CSMD1: variants seen among roughly 807,000 people sequenced by gnomAD.
CSMD1 encodes CUB and Sushi multiple domains 1.
CSMD1 carries 213 observed loss-of-function variants against 417.5 expected under a neutral mutation model. That is an observed-to-expected ratio of 0.51 (90% CI 0.46 to 0.57). The LOEUF (loss-of-function observed/expected upper bound fraction) is 0.57. Among genes scored for constraint, CSMD1 ranks in the 20% least tolerant of loss-of-function variants. The pLI is 0.00. For missense variants in CSMD1, 6,923 were observed against 4,529.7 expected, an observed-to-expected ratio of 1.53 and a Z score of -15.17; for synonymous variants, 2,862 against 1,736.8, an observed-to-expected ratio of 1.65 and a Z score of -16.11.
intron 1 of CSMD1, among the ~76,000 whole-genome samples, chr8:4,682,822 A>C (rs1281029973): frequency 6.6e-6 from 1 of 151,168 alleles, no homozygotes; most frequent in Non-Finnish European, 1.5e-5. Flanking sequence ...ATTTCACATT[A>C]AACTAAATAC....
chr8:3,840,804 T>C (rs1803087125), intron 5 of CSMD1, among the ~76,000 whole-genome samples: 1 of 151,728 alleles, frequency 6.6e-6, no homozygotes, highest in Non-Finnish European at 1.5e-5. Context: ...CAAGCAATTC[T>C]CCTGTCTCAA....
At chr8:3,809,482 C>G (rs984979914) in intron 5 of CSMD1, among the ~76,000 whole-genome samples, 1 of 152,150 alleles carries the variant, frequency 6.6e-6, no homozygotes, top group Admixed American at 6.5e-5. Context: ...TACTGGGCTG[C>G]GTGATCCTTC....
chr8:3,160,280 G>A (rs538491075), intron 38 of CSMD1, among the ~76,000 whole-genome samples: 1 of 152,140 alleles, frequency 6.6e-6, no homozygotes, highest in African/African-American at 2.4e-5. Flanking sequence ...GCGCCGCCAT[G>A]CCCAGCTCAT....
chr8:3,554,060 G>C (rs1799034758), intron 10 of CSMD1, among the ~76,000 whole-genome samples: 2 of 152,196 alleles, frequency 1.3e-5, no homozygotes, highest in South Asian at 2.1e-4. Flanking sequence ...ATGGGATGTG[G>C]ATGTGTGTGC....
At chr8:4,929,236 C>G (rs555806750) in intron 1 of CSMD1, among the ~76,000 whole-genome samples, 3 of 152,200 alleles carry the variant, frequency 2.0e-5, no homozygotes, top group African/African-American at 7.2e-5. Context: ...TGAAAGCCAG[C>G]GAGAGAGGCT....
intron 5 of CSMD1, among the ~76,000 whole-genome samples, chr8:3,936,448 T>C (rs562881126): frequency 6.6e-6 from 1 of 152,184 alleles, no homozygotes. Context: ...TAGGGGCTAA[T>C]GCAACTCAGG....
rs529655793 is a variant in CSMD1 at position 3,797,897 on chromosome 8, C to G, written c.819-43855G>C. On this transcript the variant is annotated intron_variant, in intron 5 of 69. Coordinates refer to ENST00000635120, the MANE Select transcript of CSMD1 (RefSeq NM_033225.6). The stretch of plus-strand genomic sequence containing the variant: ...CAGTAAGTGAGCATGCAAGTTGTTA[C>G]GCATCCCTGTCAACATTTGATATTG... Among the ~76,000 whole-genome samples the G allele has an allele frequency of 2.8e-4, 42 of 152,096 alleles. No individual in the cohort carries two copies. The South Asian group carries it at 2.9e-3, about 11-fold the overall frequency.
chr8:3,777,364 A>T (rs548815422), intron 5 of CSMD1, among the ~76,000 whole-genome samples: 5 of 152,118 alleles, frequency 3.3e-5, no homozygotes, highest in Non-Finnish European at 5.9e-5. Flanking sequence ...CCTCCAGATG[A>T]GCTAACTGCT....
chr8:4,043,226 C>G lies in CSMD1; in HGVS notation c.416-11127G>C, dbSNP rs1308737181. On this transcript the variant is annotated intron_variant, in intron 3 of 69. Coordinates refer to ENST00000635120, the MANE Select transcript of CSMD1 (RefSeq NM_033225.6). ...AAGTCTAAAGTCACCACTAAAATAGCAAAGACAAATGTTACAGCTATTAGG... is the reference window on the plus strand; with the variant it reads ...AAGTCTAAAGTCACCACTAAAATAGGAAAGACAAATGTTACAGCTATTAGG... Among the ~76,000 whole-genome samples the G allele has an allele frequency of 3.3e-5, 5 of 151,958 alleles. No individual in the cohort carries two copies. In the East Asian group the frequency reaches 5.8e-4, roughly 18 times the overall value.
At chr8:3,769,458 ATTG>A (rs1485843518) in intron 5 of CSMD1, among the ~76,000 whole-genome samples, 1 of 110,018 alleles carries the variant, frequency 9.1e-6, no homozygotes, top group Non-Finnish European at 2.4e-5. Context: ...GGCTGAACTC[ATTG>A]TTTTTCTTCC....
chr8:4,322,200 C>G (rs1033807679), intron 3 of CSMD1, among the ~76,000 whole-genome samples: 1 of 152,244 alleles, frequency 6.6e-6, no homozygotes, highest in Non-Finnish European at 1.5e-5. Context: ...TCCTTTCACT[C>G]TATGGTTCCA....
At chr8:3,304,411 T>C (rs977468062) in intron 25 of CSMD1, among the ~76,000 whole-genome samples, 13 of 152,152 alleles carry the variant, frequency 8.5e-5, no homozygotes, top group African/African-American at 2.9e-4. Context: ...TTTTAGTATA[T>C]TATGTACTTC....
Position 2,963,337 on chromosome 8 carries a change from G to C in CSMD1, c.9339C>G (p.Phe3113Leu), listed in dbSNP as rs1803669691. 1.2e-6 allele frequency: 2 copies of C among 1,613,850 alleles called. No homozygotes were observed. Among genetic ancestry groups the C allele is most frequent in the Admixed American group, 3.3e-5 (2 of 60,002 alleles). The change falls in exon 60 of 70, where the codon TTC becomes TTG. Residue 3113 changes from phenylalanine to leucine, a missense_variant. By Grantham distance (22) the Phe-to-Leu change is conservative. Coordinates refer to ENST00000635120, the MANE Select transcript of CSMD1 (RefSeq NM_033225.6). ...VQNGTVEGSD[F>L]RWGSSISYSC... ...TGTAACTTATGCTGGAGCCCCAGCGGAAATCACTTCCCTCCACTGTTCCAT... is the reference window on the plus strand; with the variant it reads ...TGTAACTTATGCTGGAGCCCCAGCGCAAATCACTTCCCTCCACTGTTCCAT...
intron 3 of CSMD1, among the ~76,000 whole-genome samples, chr8:4,105,754 G>A (rs920450305): frequency 1.3e-5 from 2 of 152,154 alleles, no homozygotes; most frequent in Non-Finnish European, 2.9e-5. Flanking sequence ...GTAAACATAA[G>A]CTTATTTCTC....
intron 50 of CSMD1, among the ~76,000 whole-genome samples, chr8:3,037,706 C>G (rs1480105724): frequency 6.6e-6 from 1 of 152,034 alleles, no homozygotes; most frequent in Non-Finnish European, 1.5e-5. Flanking sequence ...TACAGCTTAA[C>G]GAAATGATTC....
chr8:4,619,166 C>T (rs1342345022), intron 2 of CSMD1, among the ~76,000 whole-genome samples: 1 of 152,114 alleles, frequency 6.6e-6, no homozygotes, highest in African/African-American at 2.4e-5. Flanking sequence ...ACGTTTATCA[C>T]TTACTTTTAA....
chr8:3,294,348 G>A (rs1026334267), intron 25 of CSMD1, among the ~76,000 whole-genome samples: 1 of 152,220 alleles, frequency 6.6e-6, no homozygotes, highest in African/African-American at 2.4e-5. Flanking sequence ...GCTCTTCAAA[G>A]CTGTCAGACA....
rs1812106449 is a variant in CSMD1 at position 4,761,878 on chromosome 8, T to TCTATCTACCTAC, written c.86-124321_86-124320insGTAGGTAGATAG. Among the ~76,000 whole-genome samples, 3 of 108,510 alleles carry TCTATCTACCTAC rather than the reference T, an allele frequency of 2.8e-5. No individual in the cohort carries two copies. The East Asian group carries it at 8.0e-4, about 29-fold the overall frequency. The allele number at this position is 108,510 out of a possible 152,430, so 71.2% of individuals were successfully genotyped here. On this transcript the variant is annotated intron_variant, in intron 1 of 69. Coordinates refer to ENST00000635120, the MANE Select transcript of CSMD1 (RefSeq NM_033225.6). Reference sequence around the variant, plus strand: ...ATCTATCTATCTATCTATCTATCTATCTATCTATCTACCTACCTATCTATC... The same window carrying TCTATCTACCTAC: ...ATCTATCTATCTATCTATCTATCTATCTATCTACCTACCTATCTATCTACCTACCTATCTATC...
intron 3 of CSMD1, among the ~76,000 whole-genome samples, chr8:4,044,637 G>GCACCCTGTACGTGTAC (rs1239107036): frequency 8.3e-6 from 1 of 120,694 alleles, no homozygotes; most frequent in East Asian, 2.3e-4. Flanking sequence ...GAGACATAGC[G>GCACCCTGTACGTGTAC]CACCCTGTAC....
Sources: gnomAD v4.1 joint callset for allele counts (sites outside exome capture counted in the v4.1 genomes callset) on GRCh38, gnomAD v4.1.1 for gene constraint, MANE v1.5 for transcripts, NCBI Gene and HGNC (gene_info 2026-07-23, HGNC 2026-07-21) for gene names.